Variants in LRP1B observed in about 807,000 individuals in gnomAD.
The protein encoded by LRP1B is low-density lipoprotein receptor-related protein 1B.
LRP1B carries 217 observed loss-of-function variants against 556.6 expected under a neutral mutation model. The ratio of observed to expected loss-of-function variants is 0.39; its 90% CI spans 0.35 to 0.44. LRP1B has a LOEUF of 0.44. Among genes scored for constraint, LRP1B ranks in the 20% least tolerant of loss-of-function variants. LRP1B has a pLI of 1.00. For synonymous variants in LRP1B, 2,047 were observed against 1,865.8 expected (o/e 1.10, Z -2.50); for missense variants, 5,053 against 5,620.8 (o/e 0.90, Z 3.23).
intron 2 of LRP1B, among the ~76,000 whole-genome samples, chr2:141,656,507 G>A (rs1349301456): frequency 6.6e-6 from 1 of 152,082 alleles, no homozygotes; most frequent in East Asian, 1.9e-4. Flanking sequence ...CAAAGGATGT[G>A]TTTCAAACCA....
At chr2:141,901,927 T>C (rs1699629957) in intron 1 of LRP1B, among the ~76,000 whole-genome samples, 1 of 144,722 alleles carries the variant, frequency 6.9e-6, no homozygotes, top group Non-Finnish European at 1.5e-5. Flanking sequence ...GTGTATGTGA[T>C]TGGAAATGTT....
At chr2:140,631,850 T>C (rs1380981137) in intron 41 of LRP1B, among the ~76,000 whole-genome samples, 3 of 152,158 alleles carry the variant, frequency 2.0e-5, no homozygotes, top group Non-Finnish European at 4.4e-5. Context: ...ACATATCATA[T>C]TCAAACTGTA....
intron 3 of LRP1B, among the ~76,000 whole-genome samples, chr2:141,448,061 T>C (rs2105016495): frequency 2.6e-5 from 4 of 152,322 alleles, no homozygotes; most frequent in Middle Eastern, 6.8e-3. Context: ...ATGGGAGTTT[T>C]ATCTATAAGA....
intron 3 of LRP1B, among the ~76,000 whole-genome samples, chr2:141,410,303 C>T (rs567206173): frequency 1.3e-5 from 2 of 152,032 alleles, no homozygotes; most frequent in South Asian, 2.1e-4. Context: ...CATGGATTTT[C>T]CTTGTAACAC....
At chr2:141,203,206 A>C (rs1026833992) in intron 6 of LRP1B, among the ~76,000 whole-genome samples, 1 of 152,200 alleles carries the variant, frequency 6.6e-6, no homozygotes, top group Non-Finnish European at 1.5e-5. Context: ...CCTTAAATGT[A>C]AACAGGTTAT....
intron 2 of LRP1B, among the ~76,000 whole-genome samples, chr2:141,584,127 C>T (rs1293027334): frequency 6.6e-6 from 1 of 151,920 alleles, no homozygotes; most frequent in Non-Finnish European, 1.5e-5. Context: ...TACCTGTAGT[C>T]TCAGCTACTC....
intron 23 of LRP1B, among the ~76,000 whole-genome samples, chr2:140,902,578 CA>C (rs762309255): frequency 9.2e-5 from 14 of 151,994 alleles, no homozygotes; most frequent in Non-Finnish European, 1.5e-4. Context: ...TTAGAAATAA[CA>C]ATTGGGAATG....
chr2:140,429,460 A>T (rs760564097), intron 66 of LRP1B, among the ~76,000 whole-genome samples: 6 of 151,966 alleles, frequency 3.9e-5, no homozygotes, highest in Non-Finnish European at 1.5e-5. Context: ...ACTGACCCTG[A>T]CACCCATCAG....
At chr2:141,469,833 G>A (rs1459959038) in intron 3 of LRP1B, among the ~76,000 whole-genome samples, 4 of 152,100 alleles carry the variant, frequency 2.6e-5, no homozygotes, top group African/African-American at 9.7e-5. Context: ...ACGGGCTGAG[G>A]TTTGAGTTAG....
intron 71 of LRP1B, 24 bp downstream of exon 71, chr2:140,370,686 C>A: frequency 6.2e-7 from 1 of 1,602,842 alleles, no homozygotes; most frequent in South Asian, 1.1e-5. Context: ...CATTTACAGG[C>A]ACACACACAC....
intron 23 of LRP1B, among the ~76,000 whole-genome samples, chr2:140,899,727 T>TA (rs1309550725): frequency 6.6e-6 from 1 of 152,136 alleles, no homozygotes; most frequent in East Asian, 1.9e-4. Context: ...AATACAACAC[T>TA]AAAAAATGTT....
At chr2:141,834,891 G>A (rs895690809) in intron 1 of LRP1B, among the ~76,000 whole-genome samples, 1 of 151,924 alleles carries the variant, frequency 6.6e-6, no homozygotes, top group Non-Finnish European at 1.5e-5. Context: ...TAAGACAGGT[G>A]GAAGGTGAAA....
intron 7 of LRP1B, among the ~76,000 whole-genome samples, chr2:141,073,503 C>G (rs72983109): frequency 7.4e-4 from 112 of 152,186 alleles, no homozygotes; most frequent in African/African-American, 2.6e-3. Context: ...AGAACTCTCT[C>G]ATAGACAATC....
At chr2:141,349,632 T>C (rs1199695763) in intron 3 of LRP1B, among the ~76,000 whole-genome samples, 3 of 152,172 alleles carry the variant, frequency 2.0e-5, no homozygotes, top group Middle Eastern at 3.4e-3. Context: ...ATGGTTGAAC[T>C]GATATCAAAG....
intron 35 of LRP1B, among the ~76,000 whole-genome samples, chr2:140,723,371 A>C (rs1687481854): frequency 6.6e-6 from 1 of 152,176 alleles, no homozygotes; most frequent in African/African-American, 2.4e-5. Context: ...TCTTATTATT[A>C]TTCAAATAGT....
chr2:141,109,014 T>A (rs1350948085), intron 7 of LRP1B, among the ~76,000 whole-genome samples: 1 of 152,182 alleles, frequency 6.6e-6, no homozygotes, highest in Non-Finnish European at 1.5e-5. Context: ...GTTGCAAGAT[T>A]TGCAACTTCC....
intron 79 of LRP1B, among the ~76,000 whole-genome samples, chr2:140,330,141 A>T (rs1381475103): frequency 6.6e-6 from 1 of 151,010 alleles, no homozygotes; most frequent in East Asian, 2.0e-4. Flanking sequence ...CAGAGGCTGC[A>T]GTGAACCAGA....
intron 31 of LRP1B, among the ~76,000 whole-genome samples, chr2:140,824,130 A>T (rs1323036876): frequency 1.9e-4 from 2 of 10,632 alleles, no homozygotes; most frequent in East Asian, 9.5e-3. Context: ...TTAAAAAAAT[A>T]AAAAAAAATA....
At chr2:141,759,359 C>T (rs912932269) in intron 2 of LRP1B, among the ~76,000 whole-genome samples, 2 of 151,934 alleles carry the variant, frequency 1.3e-5, no homozygotes, top group Non-Finnish European at 2.9e-5. Context: ...AAAGGAAAAC[C>T]TTGAGATGTG....
Sources: gnomAD v4.1 joint callset for allele counts (sites outside exome capture counted in the v4.1 genomes callset) on GRCh38, gnomAD v4.1.1 for gene constraint, MANE v1.5 for transcripts, NCBI Gene and HGNC (gene_info 2026-07-23, HGNC 2026-07-21) for gene names.